The following SEC24A variants were observed in gnomAD, a reference collection of about 807,000 sequenced individuals.
SEC24A encodes protein transport protein Sec24A.
A neutral mutation model predicts 129.4 loss-of-function variants in SEC24A; 93 were observed. The ratio of observed to expected loss-of-function variants is 0.72; its 90% confidence interval spans 0.61 to 0.85. SEC24A has a LOEUF of 0.85. Ranked by LOEUF, SEC24A falls within the 40% of genes least tolerant of loss-of-function variation. The pLI is 0.00. For missense variants in SEC24A, 1,264 were observed against 1,307.4 expected (o/e 0.97, Z 0.51); for synonymous variants, 460 against 467.3 (o/e 0.98, Z 0.20).
At chr5:134,686,600 G>C (rs1324108064) in intron 9 of SEC24A, among the ~76,000 whole-genome samples, 190 bp from the exon 10 acceptor site, 1 of 152,016 alleles carries the variant, frequency 6.6e-6, no homozygotes, top group Non-Finnish European at 1.5e-5. Flanking sequence ...TCTGAATTAC[G>C]GCAATCACAG....
rs377340825 is a variant in SEC24A at position 134,705,441 on chromosome 5, A to G, written c.2551+4A>G. Reference sequence around the variant, plus strand: ...TCAGGGTTATTGGCCAATATGGGTAAGAGTTGTTATCTGTTATAAATATCT... The same window carrying G: ...TCAGGGTTATTGGCCAATATGGGTAGGAGTTGTTATCTGTTATAAATATCT... On this transcript the variant is annotated splice_donor_region_variant and intron_variant, in intron 17 of 22. Coordinates refer to ENST00000398844, the MANE Select transcript of SEC24A (RefSeq NM_021982.3). 113 of 1,558,924 alleles carry G rather than the reference A, an allele frequency of 7.2e-5. No individual in the cohort carries two copies. Among genetic ancestry groups the G allele is most frequent in the Non-Finnish European group, 9.5e-5 (107 of 1,131,542 alleles).
intron 9 of SEC24A, among the ~76,000 whole-genome samples, chr5:134,686,500 G>T (rs1046290024): frequency 1.3e-5 from 2 of 152,126 alleles, no homozygotes; most frequent in African/African-American, 4.8e-5. Flanking sequence ...GCCTCCCAAA[G>T]TGCTGGGATT....
At chr5:134,703,673 TGCCAA>T in intron 15 of SEC24A, 81 bp from the exon 16 acceptor site, 1 of 871,972 alleles carries the variant, frequency 1.1e-6, no homozygotes, top group Non-Finnish European at 1.8e-6. Context: ...CTTTACTTTT[TGCCAA>T]TCTGATAAGT....
intron 17 of SEC24A, 99 bp from the exon 18 acceptor site, chr5:134,708,614 C>T: frequency 9.4e-7 from 1 of 1,063,560 alleles, no homozygotes; most frequent in South Asian, 1.6e-5. Context: ...TGGAGAGATA[C>T]TTGGTATAGT....
upstream of SEC24A, chr5:134,648,426 A>G (rs1749929461): frequency 1.3e-5 from 2 of 152,448 alleles, no homozygotes; most frequent in East Asian, 1.9e-4. Flanking sequence ...GATGACTTCT[A>G]TGGTCTCAGG....
chr5:134,705,355 G>A lies in SEC24A; in HGVS notation c.2469G>A (p.Leu823=). The A allele has an allele frequency of 2.5e-6, 4 of 1,613,508 alleles. No homozygotes were observed. The highest frequency in any genetic ancestry group is 3.4e-6 in the Non-Finnish European group (4 of 1,179,712). The stretch of plus-strand genomic sequence containing the variant: ...AAAGAAGAATTCGTGTTCATACTTT[G>A]TGTTTGCCAGTAGTTTCGACTCTGA... The part of the protein sequence containing the change: ...KGERRIRVHT[L]CLPVVSTLND... The change falls in exon 17 of 23, where the codon TTG becomes TTA. Residue 823 remains leucine, a synonymous_variant. Coordinates refer to ENST00000398844, the MANE Select transcript of SEC24A (RefSeq NM_021982.3).
intron 16 of SEC24A, 120 bp downstream of exon 16, chr5:134,704,052 TTTTA>T (rs58595047): frequency 0.24 from 92,716 of 381,012 alleles, 18,506 homozygotes; most frequent in East Asian, 0.63. Flanking sequence ...AAATTGCTGT[TTTTA>T]TTTATTTATT....
chr5:134,679,694 A>G lies in SEC24A; in HGVS notation c.1347A>G (p.Arg449=), dbSNP rs1751195333. 1 of 1,598,878 alleles carries G rather than the reference A, an allele frequency of 6.3e-7. No homozygotes were observed. Among genetic ancestry groups the G allele is most frequent in the Non-Finnish European group, 8.5e-7 (1 of 1,169,970 alleles). The change falls in exon 8 of 23, where the codon AGA becomes AGG. Residue 449 remains arginine, a synonymous_variant. Transcript: ENST00000398844. ...NPFVSFLDQR[R]WKCNLCYRVN... ...TCGTCAGCTTTCTTGATCAAAGGAGATGGAAGTGTAACTTATGTTATCGAG... is the reference window on the plus strand; with the variant it reads ...TCGTCAGCTTTCTTGATCAAAGGAGGTGGAAGTGTAACTTATGTTATCGAG...
Position 134,715,093 on chromosome 5 carries a change from C to A in SEC24A, c.2797C>A (p.Gln933Lys). 1 of 1,612,464 alleles carries A rather than the reference C, an allele frequency of 6.2e-7. No homozygotes were observed. Among genetic ancestry groups the A allele is most frequent in the Non-Finnish European group, 8.5e-7 (1 of 1,179,452 alleles). Residue 933 changes from glutamine (Q) to lysine (K), a missense_variant, in exon 19 of 23, where the codon CAG becomes AAG. Physicochemically the swap from Gln to Lys is moderately conservative, Grantham distance 53. Transcript: ENST00000398844. ...RIFAMCQVKN[Q>K]PLVYLMLTTH... ...TTTTGCTATGTGTCAAGTGAAAAAC[C>A]AGCCCTTGGTTTACCTTATGCTCAC...
chr5:134,690,867 C>G (rs1434737115), intron 11 of SEC24A, among the ~76,000 whole-genome samples: 3 of 152,168 alleles, frequency 2.0e-5, no homozygotes, highest in Non-Finnish European at 4.4e-5. Flanking sequence ...CAGAGTCTTG[C>G]TTTGTTGCCC....
chr5:134,711,606 C>T (rs1053593306), intron 18 of SEC24A, among the ~76,000 whole-genome samples: 11 of 147,562 alleles, frequency 7.5e-5, no homozygotes, highest in African/African-American at 2.8e-4. Flanking sequence ...CTATGTCGCC[C>T]AGGCTGGAGT....
At chr5:134,667,209 T>G (rs913974253) in intron 3 of SEC24A, among the ~76,000 whole-genome samples, 17 of 152,142 alleles carry the variant, frequency 1.1e-4, no homozygotes, top group Admixed American at 3.9e-4. Context: ...AAGCTCTTAG[T>G]GTTTTGTTAC....
At chr5:134,711,509 C>G (rs1752323566) in intron 18 of SEC24A, among the ~76,000 whole-genome samples, 1 of 149,542 alleles carries the variant, frequency 6.7e-6, no homozygotes, top group Non-Finnish European at 1.5e-5. Context: ...TAGTGAGATT[C>G]TACCCCTACA....
intron 20 of SEC24A, among the ~76,000 whole-genome samples, chr5:134,719,878 G>C (rs1406764606): frequency 1.3e-5 from 2 of 152,134 alleles, no homozygotes; most frequent in African/African-American, 4.8e-5. Context: ...CCAGCTACTT[G>C]GGAGGCTGAG....
At chr5:134,721,137 G>A in intron 21 of SEC24A, 47 bp downstream of exon 21, 3 of 1,143,964 alleles carry the variant, frequency 2.6e-6, no homozygotes, top group Non-Finnish European at 3.9e-6. Flanking sequence ...TTCAAAGTTG[G>A]CAAAAACATG....
chr5:134,724,496 G>C (rs1752711570), intron 22 of SEC24A, among the ~76,000 whole-genome samples: 2 of 151,842 alleles, frequency 1.3e-5, no homozygotes, highest in Admixed American at 1.3e-4. Flanking sequence ...GCTGAGGCAG[G>C]AGAATAGCTT....
intron 3 of SEC24A, among the ~76,000 whole-genome samples, chr5:134,669,859 G>A (rs1309877812): frequency 6.6e-6 from 1 of 152,118 alleles, no homozygotes; most frequent in Non-Finnish European, 1.5e-5. Flanking sequence ...TACAGCTGCA[G>A]CCTCCTGGTC....
chr5:134,666,544 A>G (rs1580689288), intron 2 of SEC24A, among the ~76,000 whole-genome samples: 2 of 152,140 alleles, frequency 1.3e-5, no homozygotes, highest in African/African-American at 4.8e-5. Context: ...GCGACAAGAA[A>G]GAAAACAGGA....
chr5:134,723,231 C>T (rs935642497), intron 21 of SEC24A, among the ~76,000 whole-genome samples: 17 of 152,032 alleles, frequency 1.1e-4, no homozygotes, highest in South Asian at 4.2e-4. Flanking sequence ...TTCGGGAGGC[C>T]GAGGCAGGTG....
Sources: allele counts gnomAD v4.1 joint callset (sites outside exome capture counted in the v4.1 genomes callset), GRCh38; gene constraint gnomAD v4.1.1; transcripts MANE v1.5; gene names NCBI Gene and HGNC (gene_info 2026-07-23, HGNC 2026-07-21).